Variants in HSD17B7 observed in about 807,000 individuals in gnomAD.
HSD17B7 encodes hydroxysteroid 17-beta dehydrogenase 7.
HSD17B7 carries 17 observed loss-of-function variants against 34.1 expected under a neutral mutation model. That is an observed-to-expected ratio of 0.50 (90% confidence interval 0.34 to 0.75). HSD17B7 has a LOEUF of 0.75. Ranked by LOEUF, HSD17B7 falls within the 30% of genes least tolerant of loss-of-function variation. The pLI is 0.01. For synonymous variants in HSD17B7, 122 were observed against 154.6 expected (o/e 0.79, Z 1.56); for missense variants, 296 against 406.6 (o/e 0.73, Z 2.34).
chr1:162,804,822 G>T (rs1020358910), intron 7 of HSD17B7, among the ~76,000 whole-genome samples: 5 of 152,244 alleles, frequency 3.3e-5, no homozygotes, highest in African/African-American at 1.2e-4. Context: ...TGGGTTGCAT[G>T]TGTTTCCTCA....
chr1:162,806,790 A>G (rs1648993837), intron 8 of HSD17B7, among the ~76,000 whole-genome samples: 1 of 152,214 alleles, frequency 6.6e-6, no homozygotes, highest in Admixed American at 6.5e-5. Context: ...AAACTGACAT[A>G]CTCATTAGCA....
chr1:162,809,479 C>A (rs971396513), intron 8 of HSD17B7, among the ~76,000 whole-genome samples: 1 of 152,068 alleles, frequency 6.6e-6, no homozygotes, highest in African/African-American at 2.4e-5. Flanking sequence ...TGATGCTGGC[C>A]TCATAAAATG....
chr1:162,812,510 A>G lies in HSD17B7; in HGVS notation c.*90A>G. On this transcript the variant is annotated 3_prime_UTR_variant, in exon 9 of 9. Coordinates refer to ENST00000254521, the MANE Select transcript of HSD17B7 (RefSeq NM_016371.4). ...AGAAACATAGTGAGCCCTTGTCTCT[A>G]CAAAAAGAAATAAAAATAATAGCTG... 1 of 1,186,054 alleles carries G rather than the reference A, an allele frequency of 8.4e-7. No homozygotes were observed. The allele number at this position is 1,186,054 out of a possible 1,614,324, so 73.5% of individuals were successfully genotyped here.
chr1:162,799,163 A>T (rs1648724641), intron 4 of HSD17B7, among the ~76,000 whole-genome samples: 1 of 151,848 alleles, frequency 6.6e-6, no homozygotes, highest in East Asian at 1.9e-4. Context: ...TCAGTCGTTT[A>T]TTATATCCAT....
intron 8 of HSD17B7, among the ~76,000 whole-genome samples, chr1:162,806,768 G>A (rs1648992863): frequency 1.3e-5 from 2 of 152,184 alleles, no homozygotes; most frequent in South Asian, 2.1e-4. Flanking sequence ...AGGGGAAAAT[G>A]TTTAGTTCTA....
In HSD17B7 at chr1:162,805,482, T is replaced by C. The variant is rs1309979608; in HGVS notation, c.893T>C (p.Met298Thr). Reference sequence around the variant, plus strand: ...ACTGGCTTTGGAAGAAATTACATTATGACCCAGAAGGTAAATGTGCTTACA... The same window carrying C: ...ACTGGCTTTGGAAGAAATTACATTACGACCCAGAAGGTAAATGTGCTTACA... ...ATTGFGRNYI[M>T]TQKMDLDEDT... The change falls in exon 8 of 9, where the codon ATG becomes ACG. Residue 298 changes from methionine (M) to threonine (T), a missense_variant. Physicochemically the swap from Met to Thr is moderately conservative, Grantham distance 81. Coordinates refer to ENST00000254521, the MANE Select transcript of HSD17B7 (RefSeq NM_016371.4). 2 of 1,612,768 alleles carry C rather than the reference T, an allele frequency of 1.2e-6. No homozygotes were observed. Among genetic ancestry groups the C allele is most frequent in the Non-Finnish European group, 1.7e-6 (2 of 1,179,226 alleles).
In HSD17B7 at chr1:162,790,832, G is replaced by A; in HGVS notation, c.32G>A (p.Ser11Asn). 1 of 1,613,864 alleles carries A rather than the reference G, an allele frequency of 6.2e-7. No individual in the cohort carries two copies. Among genetic ancestry groups the A allele is most frequent in the Non-Finnish European group, 8.5e-7 (1 of 1,179,868 alleles). The change falls in exon 1 of 9, where the codon AGC becomes AAC. Residue 11 changes from serine to asparagine, a missense_variant. Coordinates refer to ENST00000254521, the MANE Select transcript of HSD17B7 (RefSeq NM_016371.4). MRKVVLITGA[S>N]SGIGLALCKR... ...AAGGTGGTTTTGATCACCGGGGCTAGCAGGTGAGGCCTCCTTTGGGTTGGC... is the reference window on the plus strand; with the variant it reads ...AAGGTGGTTTTGATCACCGGGGCTAACAGGTGAGGCCTCCTTTGGGTTGGC...
In HSD17B7 at chr1:162,797,880, G is replaced by A. The variant is rs1318093952; in HGVS notation, c.411G>A (p.Glu137=). 1 of 1,613,754 alleles carries A rather than the reference G, an allele frequency of 6.2e-7. No individual in the cohort carries two copies. Residue 137 remains glutamate (E), a synonymous_variant, in exon 4 of 9, where the codon GAG becomes GAA. Coordinates refer to ENST00000254521, the MANE Select transcript of HSD17B7 (RefSeq NM_016371.4). ...GDKITADGLQ[E]VFETNVFGHF... is the part of the protein sequence containing the mutation. The stretch of plus-strand genomic sequence containing the variant: ...AGATCACTGCTGATGGACTTCAGGA[G>A]GTGTTTGAGACCAATGTCTTTGGCC...
At chr1:162,803,683 T>C (rs1648891427) in intron 6 of HSD17B7, 148 bp downstream of exon 6, 2 of 977,440 alleles carry the variant, frequency 2.0e-6, no homozygotes, top group South Asian at 1.7e-5. Context: ...ATGTGAAACC[T>C]CTGCTTAATA....
At chr1:162,803,144 T>C (rs7529094) in intron 5 of HSD17B7, 1,987 of 198,434 alleles carry the variant, frequency 0.01, 30 homozygotes, top group African/African-American at 0.043. Context: ...GCCCTGCTTT[T>C]CTCCCCCAGC....
intron 2 of HSD17B7, among the ~76,000 whole-genome samples, chr1:162,794,188 C>T (rs955455106): frequency 1.3e-5 from 2 of 152,062 alleles, no homozygotes; most frequent in Admixed American, 1.3e-4. Flanking sequence ...AATATTGAGG[C>T]ACTTAAGAGA....
At chr1:162,800,388 T>G in intron 5 of HSD17B7, 1 of 424,604 alleles carries the variant, frequency 2.4e-6, no homozygotes, top group South Asian at 1.7e-5. Flanking sequence ...CTGTCTTGAC[T>G]TTATAGCTTG....
chr1:162,799,319 CTT>C (rs1270585583), intron 4 of HSD17B7, among the ~76,000 whole-genome samples: 1 of 152,164 alleles, frequency 6.6e-6, no homozygotes, highest in African/African-American at 2.4e-5. Context: ...ATGGTTTTCT[CTT>C]TTTGTTTTAG....
intron 8 of HSD17B7, among the ~76,000 whole-genome samples, chr1:162,810,898 A>T (rs937507229): frequency 3.9e-5 from 6 of 152,088 alleles, no homozygotes; most frequent in African/African-American, 1.4e-4. Flanking sequence ...TTGACTCTTT[A>T]TCCAATTTGC....
intron 1 of HSD17B7, among the ~76,000 whole-genome samples, chr1:162,792,329 TTC>T (rs1648435921): frequency 6.6e-6 from 1 of 152,226 alleles, no homozygotes; most frequent in Non-Finnish European, 1.5e-5. Flanking sequence ...TTAAATCATT[TTC>T]ATGAGTGACA....
At chr1:162,799,606 A>T (rs1436458779) in intron 4 of HSD17B7, 137 bp from the exon 5 acceptor site, 10 of 598,750 alleles carry the variant, frequency 1.7e-5, no homozygotes, top group Middle Eastern at 3.3e-4. Context: ...TGTGTAACTA[A>T]TTCATGTCTC....
At chr1:162,797,699 G>A in intron 3 of HSD17B7, 103 bp from the exon 4 acceptor site, 2 of 1,501,572 alleles carry the variant, frequency 1.3e-6, no homozygotes, top group Non-Finnish European at 1.8e-6. Context: ...TAGAATCAAG[G>A]GAGGTGTAGT....
chr1:162,798,451 G>A (rs923298068), intron 4 of HSD17B7: 1 of 152,864 alleles, frequency 6.5e-6, no homozygotes, highest in African/African-American at 2.4e-5. Context: ...TACTGCTTAG[G>A]TGTTTTGTAG....
intron 8 of HSD17B7, among the ~76,000 whole-genome samples, chr1:162,811,670 T>C (rs1350363066): frequency 6.6e-6 from 1 of 152,268 alleles, no homozygotes; most frequent in African/African-American, 2.4e-5. Flanking sequence ...AATTGTCAGG[T>C]ACTCAAGTTC....
Sources: gnomAD v4.1 joint callset for allele counts (sites outside exome capture counted in the v4.1 genomes callset) on GRCh38, gnomAD v4.1.1 for gene constraint, MANE v1.5 for transcripts, NCBI Gene and HGNC (gene_info 2026-07-23, HGNC 2026-07-21) for gene names.